CTNNA3: variants seen among roughly 807,000 people sequenced by gnomAD.
The protein encoded by CTNNA3 is catenin alpha-3.
In CTNNA3, 76 loss-of-function variants were observed where a neutral mutation model predicts 95.7. The observed-to-expected ratio is 0.79, with a 90% CI of 0.66 to 0.96. The LOEUF (loss-of-function observed/expected upper bound fraction) is 0.96. Among genes scored for constraint, CTNNA3 ranks in the 40% least tolerant of loss-of-function variants. The probability of loss-of-function intolerance (pLI) is 0.00; values close to 1 mark genes in which losing one functional copy is unlikely to be tolerated. For missense variants in CTNNA3, 1,191 were observed against 1,089.8 expected, an observed-to-expected ratio of 1.09 and a Z score of -1.31; for synonymous variants, 431 against 374.4, an observed-to-expected ratio of 1.15 and a Z score of -1.74.
intron 3 of CTNNA3, among the ~76,000 whole-genome samples, chr10:67,581,522 T>A (rs536942132): frequency 1.1e-4 from 16 of 152,300 alleles, no homozygotes; most frequent in Non-Finnish European, 2.4e-4. Context: ...AAAATTCTCT[T>A]TGTTTGTTGT....
chr10:67,625,728 C>T (rs1838927896), intron 2 of CTNNA3, among the ~76,000 whole-genome samples: 1 of 147,962 alleles, frequency 6.8e-6, no homozygotes, highest in African/African-American at 2.6e-5. Context: ...CAATTGCCTG[C>T]TTTGGATCCA....
intron 12 of CTNNA3, among the ~76,000 whole-genome samples, chr10:66,305,665 T>C (rs1564853172): frequency 1.3e-5 from 2 of 152,196 alleles, no homozygotes; most frequent in Admixed American, 6.5e-5. Flanking sequence ...GTTTTACAAA[T>C]AAGGAAGTCA....
intron 7 of CTNNA3, among the ~76,000 whole-genome samples, chr10:67,037,766 T>C (rs1271421990): frequency 6.6e-6 from 1 of 152,156 alleles, no homozygotes; most frequent in Non-Finnish European, 1.5e-5. Context: ...ACTCCCAATT[T>C]TTAACTTGAA....
rs892500103 is a variant in CTNNA3 at position 65,919,703 on chromosome 10, C to A, written c.*627G>T. On this transcript the variant is annotated 3_prime_UTR_variant, in exon 18 of 18. Coordinates refer to ENST00000433211, the MANE Select transcript of CTNNA3 (RefSeq NM_013266.4). ...GCATTTTATTAATAAACAAGGTTGA[C>A]CTTCAAAATCCAGCAAGTAGCCTAA... 25 of 152,190 alleles carry A rather than the reference C, an allele frequency of 1.6e-4. No individual in the cohort carries two copies. 9.4% of individuals were successfully genotyped at this position (152,190 alleles called of 1,614,324 possible). A position where few individuals can be genotyped will look rare whatever the true frequency, so the allele number is the denominator to read the frequency against.
chr10:67,046,054 T>G (rs1854724562), intron 7 of CTNNA3, among the ~76,000 whole-genome samples: 1 of 152,054 alleles, frequency 6.6e-6, no homozygotes, highest in Non-Finnish European at 1.5e-5. Context: ...TACAACAAAT[T>G]TCAGACTGCC....
intron 5 of CTNNA3, among the ~76,000 whole-genome samples, chr10:67,391,893 C>T (rs1258816472): frequency 2.6e-5 from 4 of 151,144 alleles, no homozygotes; most frequent in Non-Finnish European, 4.4e-5. Flanking sequence ...ACACCTTATA[C>T]AAAAATCAAT....
intron 1 of CTNNA3, among the ~76,000 whole-genome samples, chr10:67,682,531 T>G (rs4746694): frequency 0.24 from 35,785 of 151,926 alleles, 5,012 homozygotes; most frequent in East Asian, 0.51. Context: ...ATCAGTGCTG[T>G]TTAAGTGTTA....
chr10:67,356,974 T>G (rs1451179386), intron 5 of CTNNA3, among the ~76,000 whole-genome samples: 1 of 152,156 alleles, frequency 6.6e-6, no homozygotes. Flanking sequence ...CAGTGATCTT[T>G]TATGCATTTC....
chr10:67,343,840 G>A (rs1293067385), intron 5 of CTNNA3, among the ~76,000 whole-genome samples: 2 of 151,064 alleles, frequency 1.3e-5, no homozygotes, highest in South Asian at 4.2e-4. Context: ...GATCTTAGTG[G>A]AAAGGCTTTC....
At chr10:66,841,981 T>C (rs1843081592) in intron 7 of CTNNA3, among the ~76,000 whole-genome samples, 2 of 152,128 alleles carry the variant, frequency 1.3e-5, no homozygotes, top group Non-Finnish European at 1.5e-5. Flanking sequence ...ACTCTGTCAC[T>C]AAGGCTGGAG....
chr10:66,646,948 C>T (rs1028607721), intron 9 of CTNNA3, among the ~76,000 whole-genome samples: 1 of 151,826 alleles, frequency 6.6e-6, no homozygotes, highest in African/African-American at 2.4e-5. Context: ...AATTAATGAC[C>T]TCTTATTCTG....
chr10:67,172,172 C>A (rs1256686642), intron 7 of CTNNA3, among the ~76,000 whole-genome samples: 3 of 152,220 alleles, frequency 2.0e-5, no homozygotes, highest in Non-Finnish European at 4.4e-5. Context: ...TAAGAGCTTT[C>A]TCTCCTCTGA....
intron 1 of CTNNA3, among the ~76,000 whole-genome samples, chr10:67,726,127 GATAATATATATTATATTAT>G (rs1564840873): frequency 9.7e-6 from 1 of 102,884 alleles, no homozygotes; most frequent in African/African-American, 4.0e-5. Context: ...TATTATATTA[GATAATATATATTATATTAT>G]ATATTATAAT....
At chr10:65,998,766 A>G (rs1197612896) in intron 15 of CTNNA3, among the ~76,000 whole-genome samples, 1 of 152,194 alleles carries the variant, frequency 6.6e-6, no homozygotes, top group Non-Finnish European at 1.5e-5. Flanking sequence ...ATTAAATCCA[A>G]TAAGATGTGT....
chr10:67,328,792 C>T (rs974048171), intron 5 of CTNNA3, among the ~76,000 whole-genome samples: 14 of 152,148 alleles, frequency 9.2e-5, no homozygotes, highest in African/African-American at 2.7e-4. Context: ...TCATGAGAGC[C>T]GTTCCACCTG....
intron 5 of CTNNA3, among the ~76,000 whole-genome samples, chr10:67,491,029 G>A (rs905644595): frequency 3.6e-4 from 54 of 151,466 alleles, no homozygotes; most frequent in African/African-American, 1.3e-3. Flanking sequence ...CAACCTACAA[G>A]TATTCTAAAA....
chr10:67,347,144 G>C (rs957524454), intron 5 of CTNNA3, among the ~76,000 whole-genome samples: 1 of 151,348 alleles, frequency 6.6e-6, no homozygotes, highest in African/African-American at 2.4e-5. Flanking sequence ...CTGCTTCCCA[G>C]GCTCAAGCGA....
At chr10:67,114,504 T>C (rs1294973284) in intron 7 of CTNNA3, among the ~76,000 whole-genome samples, 1 of 152,160 alleles carries the variant, frequency 6.6e-6, no homozygotes, top group Non-Finnish European at 1.5e-5. Context: ...CTGGAGTCTC[T>C]GTAGATTTTT....
At chr10:67,446,556 G>A (rs972929530) in intron 5 of CTNNA3, among the ~76,000 whole-genome samples, 2 of 152,054 alleles carry the variant, frequency 1.3e-5, no homozygotes, top group African/African-American at 2.4e-5. Flanking sequence ...TTGAAAATAA[G>A]AGACCCTCCT....
Sources: allele counts gnomAD v4.1 joint callset (sites outside exome capture counted in the v4.1 genomes callset), GRCh38; gene constraint gnomAD v4.1.1; transcripts MANE v1.5; gene names NCBI Gene and HGNC (gene_info 2026-07-23, HGNC 2026-07-21).